EIPR1: variants seen among roughly 807,000 people sequenced by gnomAD.
EIPR1 encodes the protein EARP complex and GARP complex interacting protein 1.
A neutral mutation model predicts 48.1 loss-of-function variants in EIPR1; 25 were observed. The observed-to-expected ratio is 0.52, with a 90% CI of 0.38 to 0.73. EIPR1 has a LOEUF of 0.73. EIPR1 is among the 30% of genes least tolerant of loss of function. EIPR1 has a pLI of 0.00. For synonymous variants in EIPR1, 204 were observed against 201.9 expected, an observed-to-expected ratio of 1.01 and a Z score of -0.09; for missense variants, 415 against 506.2, an observed-to-expected ratio of 0.82 and a Z score of 1.73.
intron 3 of EIPR1, among the ~76,000 whole-genome samples, chr2:3,273,882 C>G (rs1272485043): frequency 6.6e-6 from 1 of 152,144 alleles, no homozygotes; most frequent in Non-Finnish European, 1.5e-5. Flanking sequence ...ATTCCAATGA[C>G]TTCAGATACT....
chr2:3,236,970 A>C (rs1666423239), intron 4 of EIPR1, among the ~76,000 whole-genome samples: 1 of 152,100 alleles, frequency 6.6e-6, no homozygotes, highest in East Asian at 1.9e-4. Flanking sequence ...GACTATACTG[A>C]TTTGTACCAT....
intron 5 of EIPR1, among the ~76,000 whole-genome samples, chr2:3,211,766 C>A (rs535258038): frequency 6.6e-6 from 1 of 152,234 alleles, no homozygotes; most frequent in South Asian, 2.1e-4. Context: ...CGAATCCTCA[C>A]GCAAGCTTCC....
intron 3 of EIPR1, among the ~76,000 whole-genome samples, chr2:3,295,532 C>CCTTG (rs1553296491): frequency 1.2e-5 from 1 of 81,184 alleles, no homozygotes; most frequent in Non-Finnish European, 2.6e-5. Flanking sequence ...CATCGTCTCT[C>CCTTG]CACACACACC....
chr2:3,197,687 T>G (rs1217604822), intron 5 of EIPR1, among the ~76,000 whole-genome samples: 1 of 152,240 alleles, frequency 6.6e-6, no homozygotes, highest in Non-Finnish European at 1.5e-5. Flanking sequence ...GTTGGCTGCA[T>G]CGTTATTTCA....
intron 3 of EIPR1, among the ~76,000 whole-genome samples, chr2:3,278,183 A>G (rs565178780): frequency 1.3e-5 from 2 of 152,236 alleles, no homozygotes; most frequent in East Asian, 3.9e-4. Context: ...GGCCCAGGGG[A>G]GTCTGAGATG....
chr2:3,371,266 C>A (rs1156313601), intron 1 of EIPR1, among the ~76,000 whole-genome samples: 1 of 152,180 alleles, frequency 6.6e-6, no homozygotes, highest in Admixed American at 6.5e-5. Flanking sequence ...CATAACCGTA[C>A]CAGCCGCTGC....
At chr2:3,330,403 G>A (rs62119486) in intron 3 of EIPR1, among the ~76,000 whole-genome samples, 26,200 of 152,134 alleles carry the variant, frequency 0.17, 2,444 homozygotes, top group Non-Finnish European at 0.21. Flanking sequence ...AGAGCAAGGG[G>A]GACACAGAGC....
At chr2:3,347,526 C>T (rs985717921) in intron 2 of EIPR1, among the ~76,000 whole-genome samples, 1 of 152,156 alleles carries the variant, frequency 6.6e-6, no homozygotes, top group African/African-American at 2.4e-5. Context: ...GTGAGGCCTC[C>T]CCAGCCATGT....
intron 3 of EIPR1, chr2:3,319,653 T>A (rs1669435267): frequency 6.0e-6 from 1 of 165,558 alleles, no homozygotes; most frequent in Non-Finnish European, 1.3e-5. Flanking sequence ...CCCGGTGTGC[T>A]CTTCCTCCCT....
chr2:3,346,388 A>G (rs894440479), intron 2 of EIPR1, among the ~76,000 whole-genome samples: 3 of 152,268 alleles, frequency 2.0e-5, no homozygotes, highest in African/African-American at 7.2e-5. Context: ...AATGTAATAG[A>G]TGCCCAATAG....
chr2:3,208,648 A>G (rs1448372263), intron 5 of EIPR1: 5 of 1,550,636 alleles, frequency 3.2e-6, no homozygotes, highest in Middle Eastern at 1.7e-4. Context: ...TATGCTTGGC[A>G]TATGGCTGAC....
At chr2:3,296,922 C>A (rs114074003) in intron 3 of EIPR1, among the ~76,000 whole-genome samples, 7 of 152,254 alleles carry the variant, frequency 4.6e-5, no homozygotes, top group South Asian at 2.1e-4. Flanking sequence ...CAAGTCTCTC[C>A]GAGTCTCTGA....
At chr2:3,263,234 G>A (rs1423365584) in intron 3 of EIPR1, among the ~76,000 whole-genome samples, 2 of 152,192 alleles carry the variant, frequency 1.3e-5, no homozygotes, top group Non-Finnish European at 2.9e-5. Context: ...GGCCATCCCT[G>A]TGGCGTGCAA....
chr2:3,273,303 A>T (rs949660143), intron 3 of EIPR1, among the ~76,000 whole-genome samples: 1 of 152,210 alleles, frequency 6.6e-6, no homozygotes, highest in African/African-American at 2.4e-5. Context: ...GTTGTTGAAA[A>T]CAAAATGATA....
chr2:3,273,245 G>A (rs574158707), intron 3 of EIPR1, among the ~76,000 whole-genome samples: 226 of 152,322 alleles, frequency 1.5e-3, no homozygotes, highest in Non-Finnish European at 2.7e-3. Flanking sequence ...AGGCATAGCT[G>A]TGCTTTCAGG....
chr2:3,354,712 A>G, intron 1 of EIPR1, 79 bp from the exon 2 acceptor site: 1 of 1,323,200 alleles, frequency 7.6e-7, no homozygotes, highest in Non-Finnish European at 1.1e-6. Flanking sequence ...TTAAAAAGGC[A>G]GTTTATCTCA....
intron 3 of EIPR1, chr2:3,319,138 T>C (rs34071056): frequency 0.25 from 88,011 of 347,498 alleles, 15,397 homozygotes; most frequent in East Asian, 0.66. Context: ...TCTGAGACAA[T>C]AGTTACATCT....
At chr2:3,231,937 G>C (rs1320080685) in intron 4 of EIPR1, among the ~76,000 whole-genome samples, 1 of 152,202 alleles carries the variant, frequency 6.6e-6, no homozygotes, top group African/African-American at 2.4e-5. Flanking sequence ...ATATTTCGCA[G>C]AATTCAGCAG....
Position 3,189,086 on chromosome 2 carries a change from A to G in EIPR1, c.*248T>C, listed in dbSNP as rs1025260294. ...TCCTGACACCCTTAAAACAGAAAAC[A>G]TTGTTATTCACATAATAATGTGGGG... On this transcript the variant is annotated 3_prime_UTR_variant, in exon 9 of 9. Coordinates refer to ENST00000382125, the MANE Select transcript of EIPR1 (RefSeq NM_003310.5). The surrounding 1 kb of genome is among the most constrained non-coding windows in gnomAD (Gnocchi z 4.6). The G allele has an allele frequency of 1.9e-5, 7 of 377,084 alleles. No individual in the cohort carries two copies. The Admixed American group carries it at 2.2e-4, about 12-fold the overall frequency. 23.4% of individuals were successfully genotyped at this position (377,084 alleles called of 1,614,324 possible). A position where few individuals can be genotyped will look rare whatever the true frequency, so the allele number is the denominator to read the frequency against.
Sources: allele counts gnomAD v4.1 joint callset (sites outside exome capture counted in the v4.1 genomes callset), GRCh38; gene constraint gnomAD v4.1.1; non-coding constraint Gnocchi (gnomAD v3.1); transcripts MANE v1.5; gene names NCBI Gene and HGNC (gene_info 2026-07-23, HGNC 2026-07-21).